The following PCNX2 variants were observed in gnomAD, a reference collection of about 807,000 sequenced individuals.
PCNX2 encodes the protein pecanex-like protein 2.
In PCNX2, 168 loss-of-function variants were observed where a neutral mutation model predicts 223.8. The observed-to-expected ratio is 0.75, with a 90% CI of 0.66 to 0.85. PCNX2 has a LOEUF of 0.85. Among genes scored for constraint, PCNX2 ranks in the 40% least tolerant of loss-of-function variants. The pLI, the probability that PCNX2 is intolerant of heterozygous loss-of-function variation, is 0.00. For synonymous variants in PCNX2, 1,006 were observed against 1,052.6 expected, an observed-to-expected ratio of 0.96 and a Z score of 0.86; for missense variants, 2,507 against 2,675.5, an observed-to-expected ratio of 0.94 and a Z score of 1.39.
intron 33 of PCNX2, chr1:232,985,657 T>C (rs529367005): frequency 5.4e-4 from 216 of 399,132 alleles, no homozygotes; most frequent in Non-Finnish European, 7.2e-4. Flanking sequence ...TCTCAGCAGC[T>C]TTAAAGTCAA....
At chr1:233,039,411 G>A (rs1671567692) in intron 25 of PCNX2, among the ~76,000 whole-genome samples, 1 of 152,062 alleles carries the variant, frequency 6.6e-6, no homozygotes, top group East Asian at 1.9e-4. Context: ...GTCGACAGTC[G>A]GGTAATAGCA....
chr1:233,182,653 C>G (rs961354488), intron 15 of PCNX2, among the ~76,000 whole-genome samples: 1 of 152,122 alleles, frequency 6.6e-6, no homozygotes, highest in Non-Finnish European at 1.5e-5. Context: ...CAGCAAAACC[C>G]GAAAGAGGAA....
intron 15 of PCNX2, among the ~76,000 whole-genome samples, chr1:233,193,701 T>A (rs970809894): frequency 5.3e-5 from 8 of 152,294 alleles, no homozygotes; most frequent in South Asian, 2.1e-4. Flanking sequence ...GAAATGGACA[T>A]CATTCATGTG....
At position 233,250,842 on chromosome 1, in the gene PCNX2, C is replaced by G. The variant is rs78280389; in HGVS notation, c.2129-10G>C. ...CAGGATCTAATTTCCCCTGTAAAATCAGAAAATTTCAGCAAAGAATATGAC... is the reference window on the plus strand; with the variant it reads ...CAGGATCTAATTTCCCCTGTAAAATGAGAAAATTTCAGCAAAGAATATGAC... On this transcript the variant is annotated splice_polypyrimidine_tract_variant and intron_variant, in intron 7 of 33. Coordinates refer to ENST00000258229, the MANE Select transcript of PCNX2 (RefSeq NM_014801.4). The G allele has an allele frequency of 4.9e-5, 76 of 1,565,056 alleles. No individual in the cohort carries two copies. In the East Asian group the frequency reaches 1.8e-3, roughly 36 times the overall value.
rs1669675897 is a variant in PCNX2 at position 232,990,916 on chromosome 1, G to A, written c.5792-4376C>T. On this transcript the variant is annotated intron_variant, in intron 32 of 33. Coordinates refer to ENST00000258229, the MANE Select transcript of PCNX2 (RefSeq NM_014801.4). This position sits in a 1 kb window ranked among gnomAD's most constrained non-coding sequence, Gnocchi z 4.3. ...CCCAGACGGGCATGTGAATGGGGAG[G>A]CTCCAGTGCATGCAGGCAGCCCCTC... is the stretch of plus-strand genomic sequence containing the variant. Among the ~76,000 whole-genome samples, 1 of 152,218 alleles carries A rather than the reference G, an allele frequency of 6.6e-6. No individual in the cohort carries two copies. The highest frequency in any genetic ancestry group is 2.4e-5 in the African/African-American group (1 of 41,466).
chr1:233,185,753 TG>T (rs1680061316), intron 15 of PCNX2, among the ~76,000 whole-genome samples: 1 of 152,254 alleles, frequency 6.6e-6, no homozygotes, highest in Non-Finnish European at 1.5e-5. Flanking sequence ...TTAAATGGTC[TG>T]TTGCCCACAG....
chr1:233,031,917 T>A, intron 25 of PCNX2: 1 of 984,968 alleles, frequency 1.0e-6, no homozygotes, highest in East Asian at 1.1e-4. Flanking sequence ...CAGAGAGTAA[T>A]GACCACCATA....
At chr1:233,104,086 A>C (rs552263577) in intron 21 of PCNX2, among the ~76,000 whole-genome samples, 1 of 152,182 alleles carries the variant, frequency 6.6e-6, no homozygotes, top group Non-Finnish European at 1.5e-5. Context: ...GGACCAAAAA[A>C]TTTCATTTTG....
At position 233,259,014 on chromosome 1, in the gene PCNX2, A is replaced by C; in HGVS notation, c.848T>G (p.Leu283Arg). The change falls in exon 5 of 34, where the codon CTG becomes CGG. Residue 283 changes from leucine to arginine, a missense_variant. Coordinates refer to ENST00000258229, the MANE Select transcript of PCNX2 (RefSeq NM_014801.4). ...GGGACAACTGACAGGTTCTGGAATCAGGACTGAATTCTCACTCCCCCACGG... is the reference window on the plus strand; with the variant it reads ...GGGACAACTGACAGGTTCTGGAATCCGGACTGAATTCTCACTCCCCCACGG... ...FQPWGSENSV[L>R]IPEPVSCPRG... 1 of 1,613,946 alleles carries C rather than the reference A, an allele frequency of 6.2e-7. No individual in the cohort carries two copies. The highest frequency in any genetic ancestry group is 8.5e-7 in the Non-Finnish European group (1 of 1,179,866).
chr1:233,029,769 TCA>T (rs929878677), intron 25 of PCNX2, among the ~76,000 whole-genome samples: 71 of 151,960 alleles, frequency 4.7e-4, no homozygotes, highest in African/African-American at 1.6e-3. Flanking sequence ...CAGAGATAAT[TCA>T]CACTGTTGGT....
rs563548761 is a variant in PCNX2, at chr1:233,165,302, T to C, written c.3274-3939A>G. ...TTAAAATTTTAACCATGCTAGTGAA[T>C]ATATGCCTCCTAGGGCACATTTTGC... On this transcript the variant is annotated intron_variant, in intron 17 of 33. Coordinates refer to ENST00000258229, the MANE Select transcript of PCNX2 (RefSeq NM_014801.4). 2.6e-5 allele frequency among the ~76,000 whole-genome samples: 4 copies of C among 152,332 alleles called. No homozygotes were observed. The South Asian group carries it at 6.2e-4, about 24-fold the overall frequency.
rs184910253 is a variant in PCNX2 at position 233,282,707 on chromosome 1, C to G, written c.153+12619G>C. On this transcript the variant is annotated intron_variant, in intron 1 of 33. Coordinates refer to ENST00000258229, the MANE Select transcript of PCNX2 (RefSeq NM_014801.4). ...GGTGACTGAAATAGACACCGAACCT[C>G]TCATTTCTATTTTTGTCCTTTCTTT... Among the ~76,000 whole-genome samples, 757 of 152,306 alleles carry G rather than the reference C, an allele frequency of 5.0e-3. 6 individuals are homozygous for G. Among genetic ancestry groups the G allele is most frequent in the Middle Eastern group, 6.8e-3 (2 of 294 alleles).
rs186522684 is a variant in PCNX2 at position 233,032,231 on chromosome 1, T to G, written c.4352-6832A>C. Among the ~76,000 whole-genome samples the G allele has an allele frequency of 3.2e-3, 494 of 152,214 alleles. 3 individuals carry two copies. Among genetic ancestry groups the G allele is most frequent in the African/African-American group, 0.012 (484 of 41,528 alleles). ...GATTTTCCTGCCTCAGCCTCCCAAG[T>G]AGCTGGGATTGCAGGCACGCGCCAC... On this transcript the variant is annotated intron_variant, in intron 25 of 33. Coordinates refer to ENST00000258229, the MANE Select transcript of PCNX2 (RefSeq NM_014801.4).
At chr1:233,263,452 ATT>A (rs67108893) in intron 1 of PCNX2, among the ~76,000 whole-genome samples, 2,486 of 126,706 alleles carry the variant, frequency 0.02, 53 homozygotes, top group African/African-American at 0.072. Context: ...AAACCTCTCC[ATT>A]TTTTTTTTTT....
At chr1:233,261,381 C>T in intron 3 of PCNX2, 60 bp from the exon 4 acceptor site, 1 of 1,509,618 alleles carries the variant, frequency 6.6e-7, no homozygotes, top group South Asian at 1.1e-5. Flanking sequence ...CATTTCCAGA[C>T]AGTCGGCAAT....
intron 7 of PCNX2, among the ~76,000 whole-genome samples, chr1:233,251,324 A>C (rs1659439522): frequency 6.6e-6 from 1 of 152,212 alleles, no homozygotes; most frequent in Non-Finnish European, 1.5e-5. Flanking sequence ...GTGTCACAGC[A>C]CACTGACTGA....
intron 21 of PCNX2, among the ~76,000 whole-genome samples, chr1:233,100,141 G>A (rs186032470): frequency 5.4e-4 from 82 of 152,178 alleles, no homozygotes; most frequent in Non-Finnish European, 8.8e-4. Flanking sequence ...GGCCGGGCGC[G>A]GGGGCTCACG....
At chr1:233,113,041 A>G in intron 21 of PCNX2, 1 of 1,269,012 alleles carries the variant, frequency 7.9e-7, no homozygotes, top group Non-Finnish European at 1.0e-6. Context: ...CTGTGCAGGC[A>G]CTTTCCTGCA....
intron 13 of PCNX2, among the ~76,000 whole-genome samples, chr1:233,207,033 G>T (rs1322861340): frequency 6.6e-6 from 1 of 151,722 alleles, no homozygotes; most frequent in South Asian, 2.1e-4. Flanking sequence ...AGAAGAAGAA[G>T]AAGAAGAAGA....
Sources: gnomAD v4.1 joint callset for allele counts (sites outside exome capture counted in the v4.1 genomes callset) on GRCh38, gnomAD v4.1.1 for gene constraint, Gnocchi (gnomAD v3.1) non-coding constraint, MANE v1.5 for transcripts, NCBI Gene and HGNC (gene_info 2026-07-23, HGNC 2026-07-21) for gene names.